The following GALNT16 variants were observed in gnomAD, a reference collection of about 807,000 sequenced individuals.
GALNT16 encodes the protein UDP-GalNAc:polypeptide N-acetylgalactosaminyltransferase-like protein 1.
GALNT16 carries 40 observed loss-of-function variants against 76.1 expected under a neutral mutation model. The ratio of observed to expected loss-of-function variants is 0.53; its 90% CI spans 0.41 to 0.68. The LOEUF (loss-of-function observed/expected upper bound fraction) is 0.68, where lower values mean the gene tolerates loss of function less well. GALNT16 is among the 30% of genes least tolerant of loss of function. The probability of loss-of-function intolerance (pLI) is 0.00; values close to 1 mark genes in which losing one functional copy is unlikely to be tolerated. For missense variants in GALNT16, 621 were observed against 731.9 expected (o/e 0.85, Z 1.75); for synonymous variants, 276 against 285.2 (o/e 0.97, Z 0.32).
At chr14:69,267,047 T>C (rs893135062) in intron 1 of GALNT16, among the ~76,000 whole-genome samples, 3 of 152,228 alleles carry the variant, frequency 2.0e-5, no homozygotes, top group African/African-American at 4.8e-5. Context: ...ATTCCACTTC[T>C]ATTTTCCCAA....
At chr14:69,362,549 G>A in the GALNT16 span, among the ~76,000 whole-genome samples, 2 of 152,246 alleles carry the variant, frequency 1.3e-5, no homozygotes, top group Non-Finnish European at 2.9e-5. Context: ...CTCACAATAA[G>A]AGAACAATTG....
chr14:69,322,514 A>G (rs913455343), intron 2 of GALNT16, among the ~76,000 whole-genome samples: 5 of 152,172 alleles, frequency 3.3e-5, no homozygotes, highest in Non-Finnish European at 7.3e-5. Context: ...CCTGGGGGCT[A>G]TGTACATTTT....
chr14:69,295,468 C>G (rs1230456013), intron 1 of GALNT16, among the ~76,000 whole-genome samples: 1 of 150,472 alleles, frequency 6.6e-6, no homozygotes, highest in Non-Finnish European at 1.5e-5. Flanking sequence ...ACCTGTAATC[C>G]TAGCATTTTG....
rs1305626660 is a variant in GALNT16 at position 69,260,359 on chromosome 14, C to T, written c.69C>T (p.Tyr23=). Residue 23 remains tyrosine, a synonymous_variant, in exon 1 of 15, where the codon TAC becomes TAT. Coordinates refer to ENST00000448469, the MANE Select transcript of GALNT16 (RefSeq NM_001168368.2). ...TVAWILGTFY[Y]LWQDNRAHAA... ...CCTGGATCCTGGGCACTTTCTACTACTTATGGCAGGACAACCGAGCCCACG... is the reference window on the plus strand; with the variant it reads ...CCTGGATCCTGGGCACTTTCTACTATTTATGGCAGGACAACCGAGCCCACG... 1.9e-6 allele frequency: 3 copies of T among 1,612,640 alleles called. No homozygotes were observed. Among genetic ancestry groups the T allele is most frequent in the South Asian group, 1.1e-5 (1 of 90,914 alleles).
chr14:69,343,788 G>C (rs1298924150), intron 12 of GALNT16, among the ~76,000 whole-genome samples: 1 of 152,132 alleles, frequency 6.6e-6, no homozygotes, highest in Non-Finnish European at 1.5e-5. Flanking sequence ...CCTGCCACAG[G>C]GTCTGATGAC....
chr14:69,384,136 C>A, the GALNT16 span, among the ~76,000 whole-genome samples: 476 of 152,274 alleles, frequency 3.1e-3, 4 homozygotes, highest in African/African-American at 0.011. Flanking sequence ...TTTAAATCTC[C>A]CTTGAAATTT....
intron 1 of GALNT16, among the ~76,000 whole-genome samples, chr14:69,298,048 G>A (rs1256570259): frequency 1.3e-5 from 2 of 152,138 alleles, no homozygotes; most frequent in Admixed American, 6.6e-5. Context: ...AAAAAACTAA[G>A]GTTTGAACAC....
At chr14:69,340,200 A>C (rs1240044847) in intron 11 of GALNT16, among the ~76,000 whole-genome samples, 5 of 152,170 alleles carry the variant, frequency 3.3e-5, no homozygotes, top group Admixed American at 2.6e-4. Context: ...TTGTGGGTGC[A>C]TGTGTGTGCA....
At chr14:69,378,311 T>C in the GALNT16 span, among the ~76,000 whole-genome samples, 3 of 152,222 alleles carry the variant, frequency 2.0e-5, no homozygotes, top group Non-Finnish European at 4.4e-5. Context: ...ATTTAGATTA[T>C]AAATCTGGAT....
chr14:69,329,765 AAG>A (rs1409869369), intron 6 of GALNT16, among the ~76,000 whole-genome samples: 1 of 152,126 alleles, frequency 6.6e-6, no homozygotes, highest in Non-Finnish European at 1.5e-5. Flanking sequence ...GAGTGGGGGC[AAG>A]AGAGAGTTGG....
At chr14:69,332,763 G>A (rs932368479) in intron 7 of GALNT16, among the ~76,000 whole-genome samples, 3 of 151,864 alleles carry the variant, frequency 2.0e-5, no homozygotes, top group South Asian at 2.1e-4. Flanking sequence ...AGTCACCAGA[G>A]AGCCTTTCCT....
Position 69,320,085 on chromosome 14 carries a change from A to AC in GALNT16, c.178-619dup, listed in dbSNP as rs150634702. Among the ~76,000 whole-genome samples, 629 of 140,456 alleles carry AC rather than the reference A, an allele frequency of 4.5e-3. 7 individuals are homozygous for AC. Among genetic ancestry groups the AC allele is most frequent in the African/African-American group, 0.015 (591 of 40,514 alleles). The allele number at this position is 140,456 out of a possible 152,430, so 92.1% of individuals were successfully genotyped here. A position where few individuals can be genotyped will look rare whatever the true frequency, so the allele number is the denominator to read the frequency against. On this transcript the variant is annotated intron_variant, in intron 1 of 14. Coordinates refer to ENST00000448469, the MANE Select transcript of GALNT16 (RefSeq NM_001168368.2). Reference sequence around the variant, plus strand: ...AGAGGTCTGGTGCACTCCAGGACTCACCCCCCCAATATCCCGCAAAGAACA... The same window carrying AC: ...AGAGGTCTGGTGCACTCCAGGACTCACCCCCCCCAATATCCCGCAAAGAACA...
rs547184737 is a variant in GALNT16 at position 69,307,198 on chromosome 14, C to T, written c.178-13513C>T. On this transcript the variant is annotated intron_variant, in intron 1 of 14. Coordinates refer to ENST00000448469, the MANE Select transcript of GALNT16 (RefSeq NM_001168368.2). ...AGTCCCATTTTAGTTGACACCTAAT[C>T]AAAGCTGCTGGTACTCCTTCAGCTC... Among the ~76,000 whole-genome samples the T allele has an allele frequency of 6.6e-5, 10 of 152,236 alleles. No homozygotes were observed. The South Asian group carries it at 2.1e-3, about 32-fold the overall frequency.
rs373420376 is a variant in GALNT16, at chr14:69,331,585, A to G, written c.778+34A>G. On this transcript the variant is annotated intron_variant, in intron 7 of 14. Coordinates refer to ENST00000448469, the MANE Select transcript of GALNT16 (RefSeq NM_001168368.2). ...TGCTCCCGGGGGTGGGGCTGTAGAC[A>G]TGAAAGGAGGTAGGTGAGGCTAGGC... is the stretch of plus-strand genomic sequence containing the variant. 9 of 1,238,744 alleles carry G rather than the reference A, an allele frequency of 7.3e-6. No individual in the cohort carries two copies. In the African/African-American group the frequency reaches 8.8e-5, roughly 12 times the overall value. The allele number at this position is 1,238,744 out of a possible 1,614,324, so 76.7% of individuals were successfully genotyped here. A position where few individuals can be genotyped will look rare whatever the true frequency, so the allele number is the denominator to read the frequency against.
In GALNT16 at chr14:69,324,767, C is replaced by T. The variant is rs373518882; in HGVS notation, c.411C>T (p.Ser137=). ...TCACCTTCCACAATGAGGCCCGTTC[C>T]ACCCTGCTGCGCACAGTGAAGAGGT... The part of the protein sequence containing the change: ...VIITFHNEAR[S]TLLRTVKSVL... Residue 137 remains serine, a synonymous_variant, in exon 3 of 15, where the codon TCC becomes TCT. Coordinates refer to ENST00000448469, the MANE Select transcript of GALNT16 (RefSeq NM_001168368.2). 26 of 1,611,770 alleles carry T rather than the reference C, an allele frequency of 1.6e-5. No homozygotes were observed. Among genetic ancestry groups the T allele is most frequent in the Admixed American group, 5.0e-5 (3 of 59,830 alleles).
the GALNT16 span, among the ~76,000 whole-genome samples, chr14:69,369,671 T>C: frequency 1.3e-5 from 2 of 152,068 alleles, no homozygotes; most frequent in Non-Finnish European, 2.9e-5. Context: ...CACTCAAAAC[T>C]AGAGAAAGAC....
At chr14:69,322,924 G>GT (rs1172293124) in intron 2 of GALNT16, among the ~76,000 whole-genome samples, 14 of 104,630 alleles carry the variant, frequency 1.3e-4, no homozygotes, top group African/African-American at 3.8e-4. Context: ...GTGGCTCACG[G>GT]GGTGTGTGTG....
chr14:69,385,763 G>A, the GALNT16 span, among the ~76,000 whole-genome samples: 1 of 151,394 alleles, frequency 6.6e-6, no homozygotes, highest in African/African-American at 2.4e-5. Flanking sequence ...TACCACAACC[G>A]TTCTGGAAGT....
chr14:69,335,190 C>T (rs1594859681), intron 9 of GALNT16, among the ~76,000 whole-genome samples: 1 of 152,218 alleles, frequency 6.6e-6, no homozygotes, highest in Admixed American at 6.5e-5. Context: ...TTAACTCTTT[C>T]TCCCTGATGA....
Sources: allele counts gnomAD v4.1 joint callset (sites outside exome capture counted in the v4.1 genomes callset), GRCh38; gene constraint gnomAD v4.1.1; transcripts MANE v1.5; gene names NCBI Gene and HGNC (gene_info 2026-07-23, HGNC 2026-07-21).